ITGBL1: variants seen among roughly 807,000 people sequenced by gnomAD.
ITGBL1 encodes the protein integrin beta-like protein 1.
Under a neutral mutation model 68.5 loss-of-function variants are expected in ITGBL1, and 51 were observed. The ratio of observed to expected loss-of-function variants is 0.74; its 90% CI spans 0.59 to 0.94. The LOEUF is 0.94. Ranked by LOEUF, ITGBL1 falls within the 40% of genes least tolerant of loss-of-function variation. ITGBL1 has a pLI of 0.00. For synonymous variants in ITGBL1, 209 were observed against 227.3 expected (o/e 0.92, Z 0.72); for missense variants, 649 against 647.4 (o/e 1.00, Z -0.03).
At chr13:101,475,085 C>A (rs372416918) in intron 2 of ITGBL1, among the ~76,000 whole-genome samples, 1 of 152,110 alleles carries the variant, frequency 6.6e-6, no homozygotes, top group East Asian at 1.9e-4. Flanking sequence ...CCTCACCAAA[C>A]AAACTGAATA....
At chr13:101,711,835 A>C (rs1252722059) in intron 9 of ITGBL1, 1 of 152,194 alleles carries the variant, frequency 6.6e-6, no homozygotes, top group Non-Finnish European at 1.5e-5. Flanking sequence ...GAGAAAGAAA[A>C]TGAATGGATT....
chr13:101,468,577 G>A (rs1162574655), intron 2 of ITGBL1, among the ~76,000 whole-genome samples: 2 of 152,172 alleles, frequency 1.3e-5, no homozygotes, highest in African/African-American at 4.8e-5. Flanking sequence ...AAGCACATAT[G>A]TAGGGATAAT....
intron 2 of ITGBL1, among the ~76,000 whole-genome samples, chr13:101,545,483 A>G (rs2049803469): frequency 6.6e-6 from 1 of 152,224 alleles, no homozygotes; most frequent in Non-Finnish European, 1.5e-5. Context: ...TGAAGAGAAC[A>G]GAAAACATAG....
intron 2 of ITGBL1, among the ~76,000 whole-genome samples, chr13:101,543,588 A>T (rs531965475): frequency 1.7e-3 from 260 of 151,922 alleles, no homozygotes; most frequent in Non-Finnish European, 1.8e-3. Context: ...GTATTTCCTG[A>T]GTTTGAATGT....
chr13:101,585,104 C>T (rs1483485878), intron 6 of ITGBL1, among the ~76,000 whole-genome samples: 1 of 151,996 alleles, frequency 6.6e-6, no homozygotes, highest in East Asian at 1.9e-4. Flanking sequence ...GGCTTTTTAC[C>T]TTCCTGCAGA....
intron 7 of ITGBL1, among the ~76,000 whole-genome samples, chr13:101,616,015 A>G (rs796122328): frequency 6.6e-6 from 1 of 152,170 alleles, no homozygotes. Context: ...TCTATGGTAT[A>G]TTTTATAGCA....
intron 6 of ITGBL1, among the ~76,000 whole-genome samples, chr13:101,592,201 T>A (rs1302136016): frequency 6.6e-6 from 1 of 152,102 alleles, no homozygotes; most frequent in Non-Finnish European, 1.5e-5. Flanking sequence ...AAATTTAATA[T>A]CTTTTCTGAC....
chr13:101,639,746 T>G (rs772909215), intron 7 of ITGBL1, among the ~76,000 whole-genome samples: 1 of 152,182 alleles, frequency 6.6e-6, no homozygotes, highest in Non-Finnish European at 1.5e-5. Context: ...AGTTTTGTTT[T>G]TGAAATATTT....
intron 2 of ITGBL1, among the ~76,000 whole-genome samples, chr13:101,485,827 A>G (rs1184504032): frequency 6.6e-6 from 1 of 152,090 alleles, no homozygotes; most frequent in African/African-American, 2.4e-5. Flanking sequence ...CCATAATTAA[A>G]ACATCAAAAA....
intron 2 of ITGBL1, among the ~76,000 whole-genome samples, chr13:101,521,857 T>G (rs951176962): frequency 6.6e-6 from 1 of 152,042 alleles, no homozygotes; most frequent in African/African-American, 2.4e-5. Context: ...TCTTTTTGTC[T>G]TCAGCAACAG....
chr13:101,656,273 T>TA (rs2032921484), intron 7 of ITGBL1, among the ~76,000 whole-genome samples: 1 of 152,176 alleles, frequency 6.6e-6, no homozygotes, highest in African/African-American at 2.4e-5. Context: ...TGCTAGACTT[T>TA]TAGTTAATCT....
At chr13:101,537,348 A>T (rs1203607887) in intron 2 of ITGBL1, among the ~76,000 whole-genome samples, 1 of 152,088 alleles carries the variant, frequency 6.6e-6, no homozygotes, top group East Asian at 1.9e-4. Context: ...AATGGAATAC[A>T]TATTTCCAGT....
chr13:101,454,297 C>T (rs2048208968), intron 2 of ITGBL1, among the ~76,000 whole-genome samples, 197 bp downstream of exon 2: 1 of 152,000 alleles, frequency 6.6e-6, no homozygotes, highest in African/African-American at 2.4e-5. Flanking sequence ...AGGCTCTGAA[C>T]TTGAATGGAA....
intron 4 of ITGBL1, among the ~76,000 whole-genome samples, chr13:101,578,234 T>C (rs970250561): frequency 6.6e-6 from 1 of 152,192 alleles, no homozygotes; most frequent in African/African-American, 2.4e-5. Flanking sequence ...AGTGTTAGAA[T>C]GATAAATATG....
chr13:101,541,806 T>G (rs773122625), intron 2 of ITGBL1, among the ~76,000 whole-genome samples: 19 of 152,198 alleles, frequency 1.2e-4, no homozygotes, highest in Non-Finnish European at 2.5e-4. Context: ...GTCGAGGAAT[T>G]TATCCATTTC....
intron 7 of ITGBL1, among the ~76,000 whole-genome samples, chr13:101,640,551 G>T (rs1319131705): frequency 6.6e-6 from 1 of 152,118 alleles, no homozygotes; most frequent in Non-Finnish European, 1.5e-5. Flanking sequence ...TAAAATTACA[G>T]AAGAACGCAC....
At chr13:101,476,715 CAA>C (rs2048541999) in intron 2 of ITGBL1, among the ~76,000 whole-genome samples, 1 of 152,050 alleles carries the variant, frequency 6.6e-6, no homozygotes, top group East Asian at 1.9e-4. Flanking sequence ...TTATGTCAGA[CAA>C]TATAGATTTC....
chr13:101,542,478 A>C (rs367739379), intron 2 of ITGBL1, among the ~76,000 whole-genome samples: 2 of 152,164 alleles, frequency 1.3e-5, no homozygotes, highest in Non-Finnish European at 2.9e-5. Flanking sequence ...ACTTCCAACT[A>C]TATGGTCAAT....
At chr13:101,548,934 G>A (rs530852963) in intron 2 of ITGBL1, among the ~76,000 whole-genome samples, 48 of 151,710 alleles carry the variant, frequency 3.2e-4, no homozygotes, top group African/African-American at 1.1e-3. Context: ...GAAAAATAAA[G>A]GCTTAAAATG....
Sources: gnomAD v4.1 joint callset for allele counts (sites outside exome capture counted in the v4.1 genomes callset) on GRCh38, gnomAD v4.1.1 for gene constraint, MANE v1.5 for transcripts, NCBI Gene and HGNC (gene_info 2026-07-23, HGNC 2026-07-21) for gene names.